KATNAL1: variants seen among roughly 807,000 people sequenced by gnomAD.
KATNAL1 encodes the protein katanin p60 ATPase-containing subunit A-like 1.
Under a neutral mutation model 55.2 loss-of-function variants are expected in KATNAL1, and 32 were observed. The ratio of observed to expected loss-of-function variants is 0.58; its 90% confidence interval spans 0.44 to 0.78. KATNAL1 has a LOEUF of 0.78. KATNAL1 is among the 30% of genes least tolerant of loss of function. KATNAL1 has a pLI of 0.00. For synonymous variants in KATNAL1, 193 were observed against 193.6 expected (o/e 1.00, Z 0.02); for missense variants, 466 against 600.9 (o/e 0.78, Z 2.35).
chr13:30,231,012 C>T (rs11841611), intron 7 of KATNAL1, among the ~76,000 whole-genome samples: 3 of 152,178 alleles, frequency 2.0e-5, no homozygotes, highest in Non-Finnish European at 4.4e-5. Context: ...TCTTCTGTTC[C>T]ATCAGCTCCC....
chr13:30,231,234 T>A, intron 7 of KATNAL1, 80 bp downstream of exon 7: 1 of 1,136,560 alleles, frequency 8.8e-7, no homozygotes, highest in Non-Finnish European at 1.2e-6. Flanking sequence ...CAAAAAAGAT[T>A]CCAGGTGGAC....
intron 4 of KATNAL1, among the ~76,000 whole-genome samples, chr13:30,253,927 T>G (rs1878566998): frequency 6.6e-6 from 1 of 152,150 alleles, no homozygotes; most frequent in Admixed American, 6.5e-5. Context: ...GCTGGCAAGT[T>G]TTAGCGCTCT....
At chr13:30,230,397 T>C (rs1875977609) in intron 8 of KATNAL1, 71 bp downstream of exon 8, 12 of 1,389,312 alleles carry the variant, frequency 8.6e-6, no homozygotes, top group Non-Finnish European at 1.2e-5. Flanking sequence ...TTCTAATCCA[T>C]CCATTGATTA....
Position 30,231,489 on chromosome 13 carries a change from C to A in KATNAL1, c.727-17G>T. 2 of 1,480,344 alleles carry A rather than the reference C, an allele frequency of 1.4e-6. No individual in the cohort carries two copies. Among genetic ancestry groups the A allele is most frequent in the Non-Finnish European group, 9.0e-7 (1 of 1,110,196 alleles). The allele number at this position is 1,480,344 out of a possible 1,614,324, so 91.7% of individuals were successfully genotyped here. ...CAGTACACCCTGAAATTTCAAAAGA[C>A]AAATTAAATGATTTATCAGATTAAA... is the stretch of plus-strand genomic sequence containing the variant. On this transcript the variant is annotated splice_polypyrimidine_tract_variant and intron_variant, in intron 6 of 10. Transcript: ENST00000380615.
chr13:30,211,560 CCTT>C (rs2137340991), intron 9 of KATNAL1, among the ~76,000 whole-genome samples: 1 of 152,298 alleles, frequency 6.6e-6, no homozygotes, highest in African/African-American at 2.4e-5. Context: ...GTCTCATTCA[CCTT>C]CTTTCATCTA....
In KATNAL1 at chr13:30,219,021, T is replaced by C. The variant is rs188300225; in HGVS notation, c.1147+8391A>G. Among the ~76,000 whole-genome samples the C allele has an allele frequency of 9.2e-5, 14 of 152,362 alleles. No individual in the cohort carries two copies. The East Asian group carries it at 1.9e-3, about 21-fold the overall frequency. Reference sequence around the variant, plus strand: ...TTAAATAAATATGGGTATTTCTTTATGGAAATTATATAAAGAGGCATTACA... The same window carrying C: ...TTAAATAAATATGGGTATTTCTTTACGGAAATTATATAAAGAGGCATTACA... On this transcript the variant is annotated intron_variant, in intron 9 of 10. Transcript: ENST00000380615.
chr13:30,248,385 G>A (rs1877984393), intron 4 of KATNAL1, among the ~76,000 whole-genome samples: 1 of 151,998 alleles, frequency 6.6e-6, no homozygotes, highest in Non-Finnish European at 1.5e-5. Context: ...CTATAATCTA[G>A]TACAACAAGG....
chr13:30,237,984 C>T (rs1876859038), intron 6 of KATNAL1, among the ~76,000 whole-genome samples: 1 of 152,136 alleles, frequency 6.6e-6, no homozygotes, highest in Admixed American at 6.5e-5. Context: ...TCATAATCAC[C>T]ATCCCAATTC....
intron 9 of KATNAL1, among the ~76,000 whole-genome samples, chr13:30,226,041 TA>T (rs1418096745): frequency 6.6e-6 from 1 of 152,184 alleles, no homozygotes; most frequent in Non-Finnish European, 1.5e-5. Flanking sequence ...GTACTCAACG[TA>T]AGTCATCAGA....
intron 4 of KATNAL1, among the ~76,000 whole-genome samples, chr13:30,246,069 A>G (rs1877764503): frequency 1.3e-5 from 2 of 152,226 alleles, no homozygotes; most frequent in South Asian, 4.1e-4. Flanking sequence ...ATGGAACCAA[A>G]AAGAGCCCAT....
chr13:30,277,237 GA>G (rs1266619280), intron 3 of KATNAL1, among the ~76,000 whole-genome samples: 1 of 152,196 alleles, frequency 6.6e-6, no homozygotes, highest in East Asian at 1.9e-4. Flanking sequence ...CTATTTCTCT[GA>G]AAGAATGCTG....
At chr13:30,260,617 T>G (rs1480606785) in intron 3 of KATNAL1, among the ~76,000 whole-genome samples, 2 of 152,080 alleles carry the variant, frequency 1.3e-5, no homozygotes, top group African/African-American at 4.8e-5. Flanking sequence ...AGAAAGGGTA[T>G]CAGCGATGGA....
chr13:30,294,902 A>C lies in KATNAL1; in HGVS notation c.-14-11111T>G, dbSNP rs1192067424. 3.3e-5 allele frequency among the ~76,000 whole-genome samples: 5 copies of C among 152,320 alleles called. No individual in the cohort carries two copies. In the East Asian group the frequency reaches 7.7e-4, roughly 23 times the overall value. On this transcript the variant is annotated intron_variant, in intron 1 of 10. Coordinates refer to ENST00000380615, the MANE Select transcript of KATNAL1 (RefSeq NM_032116.5). Reference sequence around the variant, plus strand: ...TACTCTGCCTGTGCTCTGTAAATGGAATAGCAAAGTCTAGATGACAGCACA... The same window carrying C: ...TACTCTGCCTGTGCTCTGTAAATGGCATAGCAAAGTCTAGATGACAGCACA...
At chr13:30,274,900 C>T (rs865942403) in intron 3 of KATNAL1, among the ~76,000 whole-genome samples, 143 of 105,970 alleles carry the variant, frequency 1.3e-3, no homozygotes, top group African/African-American at 5.2e-3. Flanking sequence ...TACGCGCGCG[C>T]GCGCGCGCAC....
chr13:30,305,025 C>T (rs1449029370), intron 1 of KATNAL1, among the ~76,000 whole-genome samples: 2 of 152,156 alleles, frequency 1.3e-5, no homozygotes, highest in African/African-American at 4.8e-5. Flanking sequence ...CACTTCTCTA[C>T]TGGACTTTGT....
intron 1 of KATNAL1, among the ~76,000 whole-genome samples, chr13:30,302,473 T>C (rs1882917567): frequency 6.6e-6 from 1 of 151,284 alleles, no homozygotes; most frequent in Admixed American, 6.6e-5. Context: ...GATTCTCTCA[T>C]TCATTTCTCT....
chr13:30,208,549 T>A lies in KATNAL1; in HGVS notation c.1464A>T (p.Gly488=). The change falls in exon 11 of 11, where the codon GGA becomes GGT. Residue 488 remains glycine (G), a synonymous_variant. Coordinates refer to ENST00000380615, the MANE Select transcript of KATNAL1 (RefSeq NM_032116.5). The part of the protein sequence containing the change: ...EKYEKWMVEF[G]SA Reference sequence around the variant, plus strand: ...AAGAGCTGACAGAAATTCAAGCAGATCCAAATTCAACCATCCATTTTTCAT... The same window carrying A: ...AAGAGCTGACAGAAATTCAAGCAGAACCAAATTCAACCATCCATTTTTCAT... 1 of 1,564,964 alleles carries A rather than the reference T, an allele frequency of 6.4e-7. No homozygotes were observed. Among genetic ancestry groups the A allele is most frequent in the East Asian group, 2.3e-5 (1 of 43,146 alleles).
intron 6 of KATNAL1, among the ~76,000 whole-genome samples, chr13:30,231,875 C>T (rs1458586312): frequency 6.6e-6 from 1 of 152,178 alleles, no homozygotes; most frequent in Non-Finnish European, 1.5e-5. Context: ...ATTCTTTACC[C>T]TCTATAAGGG....
chr13:30,271,878 GAAAAAA>G (rs71299873), intron 3 of KATNAL1, among the ~76,000 whole-genome samples: 18 of 76,792 alleles, frequency 2.3e-4, no homozygotes, highest in Non-Finnish European at 3.4e-4. Flanking sequence ...AAGAAAAGAG[GAAAAAA>G]AAAAAAAAAA....
Sources: gnomAD v4.1 joint callset for allele counts (sites outside exome capture counted in the v4.1 genomes callset) on GRCh38, gnomAD v4.1.1 for gene constraint, MANE v1.5 for transcripts, NCBI Gene and HGNC (gene_info 2026-07-23, HGNC 2026-07-21) for gene names.